KCMF1: variants seen among roughly 807,000 people sequenced by gnomAD.
KCMF1 encodes the protein potassium channel modulatory factor 1.
KCMF1 carries 3 observed loss-of-function variants against 41.1 expected under a neutral mutation model. That is an observed-to-expected ratio of 0.07 (90% confidence interval 0.03 to 0.19). KCMF1 has a LOEUF of 0.19. KCMF1 is among the 10% of genes least tolerant of loss of function. The pLI, the probability that KCMF1 is intolerant of heterozygous loss-of-function variation, is 1.00. For synonymous variants in KCMF1, 142 were observed against 164.5 expected (o/e 0.86, Z 1.04); for missense variants, 286 against 488.9 (o/e 0.58, Z 3.91).
At chr2:84,974,994 A>T (rs1673508966) in intron 1 of KCMF1, among the ~76,000 whole-genome samples, 1 of 152,098 alleles carries the variant, frequency 6.6e-6, no homozygotes, top group African/African-American at 2.4e-5. Context: ...GGCGTAAGCC[A>T]CCGCACCTGG....
rs370573427 is a variant in KCMF1 at position 84,998,202 on chromosome 2, C to T, written c.16+26735C>T. ...TGCCTCCCAGGTTCAAGCACTTCTCCTGCCTCAGCCTCCCGAGTAGCTGGG... is the reference window on the plus strand; with the variant it reads ...TGCCTCCCAGGTTCAAGCACTTCTCTTGCCTCAGCCTCCCGAGTAGCTGGG... On this transcript the variant is annotated intron_variant, in intron 1 of 6. Transcript: ENST00000409785. 3.3e-5 allele frequency among the ~76,000 whole-genome samples: 5 copies of T among 150,064 alleles called. No homozygotes were observed. The East Asian group carries it at 8.0e-4, about 24-fold the overall frequency.
At chr2:84,971,802 C>T (rs1487436390) in intron 1 of KCMF1, among the ~76,000 whole-genome samples, 1 of 151,318 alleles carries the variant, frequency 6.6e-6, no homozygotes, top group Non-Finnish European at 1.5e-5. Flanking sequence ...CGCCAAGGCC[C>T]GCCCGGCCGG....
chr2:85,036,184 A>T (rs1216280180), intron 3 of KCMF1, among the ~76,000 whole-genome samples: 7 of 152,154 alleles, frequency 4.6e-5, no homozygotes, highest in Admixed American at 3.9e-4. Context: ...ACAGTAGGTA[A>T]ATTTATTTTT....
intron 3 of KCMF1, 140 bp downstream of exon 3, chr2:85,035,295 A>G: frequency 1.2e-6 from 1 of 831,232 alleles, no homozygotes; most frequent in Non-Finnish European, 1.8e-6. Flanking sequence ...TCATCTTTTA[A>G]CAGCAAATTT....
chr2:85,038,164 T>C (rs910077629), intron 3 of KCMF1, among the ~76,000 whole-genome samples: 4 of 152,354 alleles, frequency 2.6e-5, no homozygotes, highest in African/African-American at 7.2e-5. Context: ...AGCACTATGA[T>C]GGGAGAATGG....
At chr2:85,024,583 A>AGAGAGAGAGAGAGAGAGAGT (rs1219534094) in intron 1 of KCMF1, among the ~76,000 whole-genome samples, 1 of 124,220 alleles carries the variant, frequency 8.1e-6, no homozygotes, top group Non-Finnish European at 1.7e-5. Context: ...AGAGAGAGAG[A>AGAGAGAGAGAGAGAGAGAGT]GTGTGTGTGT....
At chr2:85,051,595 C>T (rs932793450) in intron 6 of KCMF1, among the ~76,000 whole-genome samples, 4 of 152,110 alleles carry the variant, frequency 2.6e-5, no homozygotes, top group Non-Finnish European at 4.4e-5. Context: ...TGATACTGTA[C>T]ATTCTATGGT....
At position 85,027,462 on chromosome 2, in the gene KCMF1, C is replaced by T. The variant is rs552966052; in HGVS notation, c.17-427C>T. Reference sequence around the variant, plus strand: ...GCGATCTCAGCTCACTGCAACCCTACCTCCTGGGTTTAAGCAATTCTCATG... The same window carrying T: ...GCGATCTCAGCTCACTGCAACCCTATCTCCTGGGTTTAAGCAATTCTCATG... On this transcript the variant is annotated intron_variant, in intron 1 of 6. Transcript: ENST00000409785. 3.4e-5 allele frequency among the ~76,000 whole-genome samples: 5 copies of T among 145,976 alleles called. No homozygotes were observed. The South Asian group carries it at 1.1e-3, about 33-fold the overall frequency.
intron 1 of KCMF1, among the ~76,000 whole-genome samples, chr2:85,023,077 C>A (rs991913966): frequency 6.6e-6 from 1 of 150,972 alleles, no homozygotes. Flanking sequence ...TTAGTAGAGA[C>A]GGGGTTTCAC....
intron 1 of KCMF1, among the ~76,000 whole-genome samples, chr2:85,007,748 C>G (rs993193265): frequency 6.6e-6 from 1 of 152,076 alleles, no homozygotes; most frequent in Non-Finnish European, 1.5e-5. Flanking sequence ...GTAATTAATT[C>G]TTGTTATAGG....
At chr2:85,027,812 C>A in intron 1 of KCMF1, 77 bp from the exon 2 acceptor site, 1 of 838,310 alleles carries the variant, frequency 1.2e-6, no homozygotes, top group Non-Finnish European at 1.9e-6. Context: ...GTTAAATGAG[C>A]ACCTGAAACA....
At chr2:85,019,817 CG>C (rs1455865694) in intron 1 of KCMF1, among the ~76,000 whole-genome samples, 1 of 149,312 alleles carries the variant, frequency 6.7e-6, no homozygotes, top group Non-Finnish European at 1.5e-5. Flanking sequence ...TATATACATA[CG>C]TATATATATA....
Position 85,006,786 on chromosome 2 carries a change from C to T in KCMF1, c.17-21103C>T, listed in dbSNP as rs72838130. 7.3e-3 allele frequency among the ~76,000 whole-genome samples: 1,113 copies of T among 151,752 alleles called. 4 individuals are homozygous for T. Among genetic ancestry groups the T allele is most frequent in the Non-Finnish European group, 0.013 (852 of 67,938 alleles). On this transcript the variant is annotated intron_variant, in intron 1 of 6. Coordinates refer to ENST00000409785, the MANE Select transcript of KCMF1 (RefSeq NM_020122.5). ...TCTAGTAAAAAGAGAATAAAACCAA[C>T]GTCCACACATCCACTACTCATATTA...
intron 1 of KCMF1, among the ~76,000 whole-genome samples, chr2:84,988,514 A>G (rs1240387525): frequency 6.6e-6 from 1 of 152,174 alleles, no homozygotes; most frequent in Non-Finnish European, 1.5e-5. Context: ...TGTTTGATAG[A>G]GCTGGAATTC....
intron 1 of KCMF1, among the ~76,000 whole-genome samples, chr2:85,009,043 T>C (rs1674589763): frequency 6.6e-6 from 1 of 152,216 alleles, no homozygotes; most frequent in African/African-American, 2.4e-5. Flanking sequence ...ATGCGTACTT[T>C]TGTATGTATA....
intron 2 of KCMF1, among the ~76,000 whole-genome samples, chr2:85,028,745 T>G (rs975946567): frequency 6.7e-6 from 1 of 148,936 alleles, no homozygotes; most frequent in Non-Finnish European, 1.5e-5. Context: ...TGCCTCGGCC[T>G]CCAAAGTGCT....
At chr2:84,984,320 C>G (rs950009806) in intron 1 of KCMF1, among the ~76,000 whole-genome samples, 7 of 151,994 alleles carry the variant, frequency 4.6e-5, no homozygotes, top group Non-Finnish European at 8.8e-5. Flanking sequence ...AGGCTGGTCT[C>G]AAACTCCTGA....
chr2:84,980,599 T>C (rs1485978036), intron 1 of KCMF1, among the ~76,000 whole-genome samples: 1 of 152,156 alleles, frequency 6.6e-6, no homozygotes, highest in Non-Finnish European at 1.5e-5. Context: ...AGTAGAATTA[T>C]GAGTTCATCC....
At chr2:85,004,858 G>A (rs1256411564) in intron 1 of KCMF1, among the ~76,000 whole-genome samples, 1 of 151,776 alleles carries the variant, frequency 6.6e-6, no homozygotes, top group African/African-American at 2.4e-5. Context: ...TTTTTGAGAT[G>A]GAGTTTCACT....
Sources: gnomAD v4.1 joint callset for allele counts (sites outside exome capture counted in the v4.1 genomes callset) on GRCh38, gnomAD v4.1.1 for gene constraint, MANE v1.5 for transcripts, NCBI Gene and HGNC (gene_info 2026-07-23, HGNC 2026-07-21) for gene names.